The following GCH1 variants were observed in gnomAD, a reference collection of about 807,000 sequenced individuals.
GCH1 encodes GTP cyclohydrolase I.
A neutral mutation model predicts 25.9 loss-of-function variants in GCH1; 5 were observed. The observed-to-expected ratio is 0.19, with a 90% CI of 0.10 to 0.41. The LOEUF (loss-of-function observed/expected upper bound fraction) is 0.41, where lower values mean the gene tolerates loss of function less well. Among genes scored for constraint, GCH1 ranks in the 10% least tolerant of loss-of-function variants. GCH1 has a pLI of 1.00. For synonymous variants in GCH1, 159 were observed against 129.6 expected (o/e 1.23, Z -1.54); for missense variants, 261 against 336.5 (o/e 0.78, Z 1.75).
At position 54,902,729 on chromosome 14, in the gene GCH1, C is replaced by T. The variant is rs2040589696; in HGVS notation, c.-66G>A. On this transcript the variant is annotated 5_prime_UTR_variant, in exon 1 of 6. Transcript: ENST00000491895. ...GCGCTTCGAGGTCTGCGGCTAAACTCCGCCGGTGGCCGCGGACAATGGGCT... is the reference window on the plus strand; with the variant it reads ...GCGCTTCGAGGTCTGCGGCTAAACTTCGCCGGTGGCCGCGGACAATGGGCT... The T allele has an allele frequency of 7.9e-6, 11 of 1,388,312 alleles. No homozygotes were observed. The highest frequency in any genetic ancestry group is 1.0e-5 in the Non-Finnish European group (11 of 1,075,858). 86.0% of individuals were successfully genotyped at this position (1,388,312 alleles called of 1,614,324 possible).
intron 5 of GCH1, 120 bp from the exon 6 acceptor site, chr14:54,844,263 T>C (rs995669679): frequency 1.3e-6 from 1 of 781,936 alleles, no homozygotes; most frequent in Admixed American, 1.7e-5. Context: ...AAATATCCCT[T>C]CTTACACAAA....
intron 3 of GCH1, among the ~76,000 whole-genome samples, chr14:54,856,650 A>C (rs1236448414): frequency 1.3e-5 from 2 of 152,076 alleles, no homozygotes; most frequent in African/African-American, 4.8e-5. Flanking sequence ...ATGGGGTTTC[A>C]CCATGTTGGC....
chr14:54,897,010 GTTTT>G (rs1303006172), intron 1 of GCH1, among the ~76,000 whole-genome samples: 1 of 114,886 alleles, frequency 8.7e-6, no homozygotes, highest in Non-Finnish European at 1.7e-5. Context: ...TCCACTTTTT[GTTTT>G]TTTTTTTTTT....
chr14:54,883,818 A>G (rs2040309165), intron 1 of GCH1, among the ~76,000 whole-genome samples: 1 of 152,144 alleles, frequency 6.6e-6, no homozygotes, highest in South Asian at 2.1e-4. Context: ...GTGGAACACT[A>G]TGAGGCCTGG....
chr14:54,886,513 G>C (rs1433831133), intron 1 of GCH1, among the ~76,000 whole-genome samples: 1 of 152,196 alleles, frequency 6.6e-6, no homozygotes, highest in Admixed American at 6.5e-5. Flanking sequence ...TCGGGGGGCT[G>C]AGGCAGGAGA....
chr14:54,880,357 T>C (rs2140098019), intron 1 of GCH1, among the ~76,000 whole-genome samples: 1 of 144,026 alleles, frequency 6.9e-6, no homozygotes, highest in East Asian at 2.0e-4. Context: ...TAATAATATA[T>C]TATAAAATAT....
chr14:54,845,207 C>T (rs1484489949), intron 5 of GCH1, among the ~76,000 whole-genome samples: 2 of 151,124 alleles, frequency 1.3e-5, no homozygotes. Flanking sequence ...GAGCTGGGCG[C>T]AGGGGCTCAC....
intron 1 of GCH1, among the ~76,000 whole-genome samples, chr14:54,892,460 G>A (rs1377208879): frequency 1.3e-5 from 2 of 152,040 alleles, no homozygotes; most frequent in East Asian, 1.9e-4. Context: ...AGGCAGAAAC[G>A]GGCGGATCAT....
chr14:54,898,228 A>AAAT (rs1213476379), intron 1 of GCH1, among the ~76,000 whole-genome samples: 4 of 152,344 alleles, frequency 2.6e-5, no homozygotes, highest in South Asian at 4.1e-4. Context: ...TTTAAAATAC[A>AAAT]AATAATAATA....
chr14:54,890,590 A>C (rs1297331783), intron 1 of GCH1, among the ~76,000 whole-genome samples: 1 of 152,220 alleles, frequency 6.6e-6, no homozygotes, highest in African/African-American at 2.4e-5. Context: ...CTATGGCCAG[A>C]ATGAACTTTA....
At chr14:54,852,340 T>C (rs1474822581) in intron 3 of GCH1, among the ~76,000 whole-genome samples, 1 of 152,210 alleles carries the variant, frequency 6.6e-6, no homozygotes, top group Non-Finnish European at 1.5e-5. Flanking sequence ...AATGGAAAGA[T>C]ATTGATTTCC....
intron 1 of GCH1, among the ~76,000 whole-genome samples, chr14:54,896,666 A>G (rs2040487662): frequency 6.6e-6 from 1 of 151,772 alleles, no homozygotes; most frequent in South Asian, 2.1e-4. Context: ...TAATCCCAGC[A>G]CTTTGGGAGG....
rs758855906 is a variant in GCH1, at chr14:54,847,150, TTTAG to T, written c.510-24_510-21del. The T allele has an allele frequency of 2.1e-6, 2 of 935,280 alleles. No individual in the cohort carries two copies. The highest frequency in any genetic ancestry group is 1.7e-6 in the Non-Finnish European group (1 of 588,734). The allele number at this position is 935,280 out of a possible 1,614,324, so 57.9% of individuals were successfully genotyped here. On this transcript the variant is annotated intron_variant, in intron 3 of 5. Coordinates refer to ENST00000491895, the MANE Select transcript of GCH1 (RefSeq NM_000161.3). Reference sequence around the variant, plus strand: ...ACAATCCTAGAAAAGAAAGAATTGTTTTAGTTAATCACAAATCATTTGAAGTAAA... The same window carrying T: ...ACAATCCTAGAAAAGAAAGAATTGTTTTAATCACAAATCATTTGAAGTAAA...
intron 1 of GCH1, among the ~76,000 whole-genome samples, chr14:54,872,413 T>A (rs1374787981): frequency 6.6e-6 from 1 of 152,140 alleles, no homozygotes; most frequent in Non-Finnish European, 1.5e-5. Context: ...GTAAAGACCA[T>A]TGAGGCTAGG....
chr14:54,895,314 T>G (rs903670493), intron 1 of GCH1, among the ~76,000 whole-genome samples: 1 of 152,232 alleles, frequency 6.6e-6, no homozygotes, highest in Non-Finnish European at 1.5e-5. Context: ...CTGGATTATA[T>G]GCATGCTTCC....
At chr14:54,901,839 G>C (rs924999734) in intron 1 of GCH1, among the ~76,000 whole-genome samples, 3 of 152,056 alleles carry the variant, frequency 2.0e-5, no homozygotes, top group African/African-American at 4.8e-5. Flanking sequence ...CCGAGGTTTC[G>C]GGGAAGGATC....
At chr14:54,847,020 ACT>A (rs1318192906) in intron 4 of GCH1, 77 bp downstream of exon 4, 14 of 593,938 alleles carry the variant, frequency 2.4e-5, no homozygotes, top group Middle Eastern at 4.7e-4. Flanking sequence ...ACAGAGCAAG[ACT>A]CTGTCTCAAA....
At chr14:54,897,970 C>T (rs2040511322) in intron 1 of GCH1, among the ~76,000 whole-genome samples, 1 of 152,188 alleles carries the variant, frequency 6.6e-6, no homozygotes, top group Non-Finnish European at 1.5e-5. Context: ...GATGAGATAG[C>T]CTATTACACA....
chr14:54,873,085 T>C (rs568083118), intron 1 of GCH1, among the ~76,000 whole-genome samples: 15 of 152,160 alleles, frequency 9.9e-5, no homozygotes, highest in South Asian at 2.1e-4. Flanking sequence ...TATTCCAAAA[T>C]TGACGGAAGT....
Sources: allele counts gnomAD v4.1 joint callset (sites outside exome capture counted in the v4.1 genomes callset), GRCh38; gene constraint gnomAD v4.1.1; transcripts MANE v1.5; gene names NCBI Gene and HGNC (gene_info 2026-07-23, HGNC 2026-07-21).